ROBO1: variants seen among roughly 807,000 people sequenced by gnomAD.
The protein encoded by ROBO1 is roundabout homolog 1.
ROBO1 carries 149 observed loss-of-function variants against 195.9 expected under a neutral mutation model. The observed-to-expected ratio is 0.76, with a 90% confidence interval of 0.67 to 0.87. The LOEUF is 0.87. Among genes scored for constraint, ROBO1 ranks in the 40% least tolerant of loss-of-function variants. The pLI is 0.00. For synonymous variants in ROBO1, 816 were observed against 733.2 expected, an observed-to-expected ratio of 1.11 and a Z score of -1.82; for missense variants, 1,933 against 2,068.3, an observed-to-expected ratio of 0.93 and a Z score of 1.27.
intron 2 of ROBO1, among the ~76,000 whole-genome samples, chr3:79,262,053 CAT>C (rs2082949071): frequency 6.6e-6 from 1 of 152,062 alleles, no homozygotes; most frequent in African/African-American, 2.4e-5. Context: ...ATCTAAGAAA[CAT>C]GTGCTCTTGG....
intron 5 of ROBO1, among the ~76,000 whole-genome samples, chr3:78,721,235 T>C (rs907165657): frequency 4.6e-5 from 7 of 152,188 alleles, no homozygotes; most frequent in African/African-American, 1.7e-4. Context: ...TCCAGAACAA[T>C]TTGAGTATCA....
At chr3:79,279,265 T>TA (rs1387542482) in intron 2 of ROBO1, among the ~76,000 whole-genome samples, 7 of 151,570 alleles carry the variant, frequency 4.6e-5, no homozygotes, top group East Asian at 1.9e-4. Context: ...ATGCTCTGTC[T>TA]AAAAAAAATA....
At chr3:79,340,656 C>A (rs1213569475) in intron 2 of ROBO1, among the ~76,000 whole-genome samples, 13 of 152,244 alleles carry the variant, frequency 8.5e-5, no homozygotes, top group Non-Finnish European at 5.9e-5. Context: ...TGGTACCACC[C>A]TTTACTGTGT....
chr3:79,434,417 G>C (rs2038803055), intron 2 of ROBO1, among the ~76,000 whole-genome samples: 1 of 152,184 alleles, frequency 6.6e-6, no homozygotes, highest in African/African-American at 2.4e-5. Context: ...GATATGAACA[G>C]ACACTTCTCA....
At chr3:79,436,571 T>A (rs1480273224) in intron 2 of ROBO1, among the ~76,000 whole-genome samples, 1 of 152,132 alleles carries the variant, frequency 6.6e-6, no homozygotes, top group African/African-American at 2.4e-5. Flanking sequence ...GGTTGTCATG[T>A]AAACTAAGCA....
chr3:79,613,181 T>C (rs534812205), intron 1 of ROBO1, among the ~76,000 whole-genome samples: 2 of 151,974 alleles, frequency 1.3e-5, no homozygotes, highest in African/African-American at 4.8e-5. Context: ...AACAAATAGT[T>C]TTTTCATTTA....
intron 2 of ROBO1, among the ~76,000 whole-genome samples, chr3:79,576,834 C>T (rs1943503113): frequency 1.3e-5 from 2 of 152,090 alleles, no homozygotes; most frequent in South Asian, 4.1e-4. Flanking sequence ...ATCATCTGCC[C>T]TATGGTCATT....
At chr3:78,676,895 G>C (rs947212642) in intron 10 of ROBO1, among the ~76,000 whole-genome samples, 10 of 152,264 alleles carry the variant, frequency 6.6e-5, no homozygotes, top group African/African-American at 2.4e-4. Flanking sequence ...AAGTTGAAAT[G>C]AAGGAAAAAA....
In ROBO1 at chr3:79,352,615, C is replaced by T. The variant is rs1221669702; in HGVS notation, c.89-227076G>A. ...AAGATACAGAAGTGCTCTGTCACTA[C>T]GAAGGAACTCCCTTGTGCCTTCCCC... On this transcript the variant is annotated intron_variant, in intron 2 of 30. Coordinates refer to ENST00000464233, the MANE Select transcript of ROBO1 (RefSeq NM_002941.4). Among the ~76,000 whole-genome samples the T allele has an allele frequency of 3.9e-5, 6 of 152,144 alleles. No homozygotes were observed. In the East Asian group the frequency reaches 5.8e-4, roughly 15 times the overall value.
intron 2 of ROBO1, among the ~76,000 whole-genome samples, chr3:79,427,608 A>G (rs2038500036): frequency 6.6e-6 from 1 of 152,182 alleles, no homozygotes; most frequent in Non-Finnish European, 1.5e-5. Context: ...GACCAGTGGA[A>G]CAGAATAGAG....
chr3:78,998,857 C>T (rs541175274), intron 3 of ROBO1, among the ~76,000 whole-genome samples: 16 of 152,190 alleles, frequency 1.1e-4, no homozygotes, highest in African/African-American at 3.4e-4. Flanking sequence ...CAGTTACCTA[C>T]ATAAAAAGCA....
At chr3:79,231,756 T>C (rs189538655) in intron 2 of ROBO1, among the ~76,000 whole-genome samples, 155 of 152,258 alleles carry the variant, frequency 1.0e-3, no homozygotes, top group African/African-American at 3.6e-3. Context: ...TAAAGACACA[T>C]GCCCAGGTAT....
chr3:79,304,463 G>T (rs537053120), intron 2 of ROBO1, among the ~76,000 whole-genome samples: 1 of 152,242 alleles, frequency 6.6e-6, no homozygotes, highest in African/African-American at 2.4e-5. Context: ...TCAAGATAAT[G>T]AATACATCCA....
chr3:79,118,380 C>T (rs1240366862), intron 3 of ROBO1, among the ~76,000 whole-genome samples: 1 of 151,934 alleles, frequency 6.6e-6, no homozygotes, highest in African/African-American at 2.4e-5. Flanking sequence ...ACTGTAGCTG[C>T]TACAACCCAA....
At chr3:79,457,625 A>G (rs1231362969) in intron 2 of ROBO1, among the ~76,000 whole-genome samples, 1 of 152,116 alleles carries the variant, frequency 6.6e-6, no homozygotes, top group African/African-American at 2.4e-5. Flanking sequence ...TAACTGAATC[A>G]TGGGGGCAGG....
chr3:78,918,125 GT>G (rs2038732589), intron 4 of ROBO1, among the ~76,000 whole-genome samples: 1 of 152,170 alleles, frequency 6.6e-6, no homozygotes, highest in East Asian at 1.9e-4. Flanking sequence ...ATTCAAGTCT[GT>G]GAATAGTAGA....
In ROBO1 at chr3:79,754,263, T is replaced by C. The variant is rs76169750; in HGVS notation, c.-51+13489A>G. Among the ~76,000 whole-genome samples the C allele has an allele frequency of 6.8e-3, 1,042 of 152,270 alleles. 9 individuals carry two copies. Among genetic ancestry groups the C allele is most frequent in the Middle Eastern group, 0.024 (7 of 294 alleles). On this transcript the variant is annotated intron_variant, in intron 1 of 30. Transcript: ENST00000464233. ...TTATATAAGCATATTTTATATGCAA[T>C]GTTAGAAGTGGACAGGAAAGCAGAG...
At chr3:79,525,555 TAA>T (rs1553758701) in intron 2 of ROBO1, among the ~76,000 whole-genome samples, 2 of 145,020 alleles carry the variant, frequency 1.4e-5, no homozygotes, top group African/African-American at 2.6e-5. Flanking sequence ...TATATATATA[TAA>T]ATATATATAT....
At chr3:79,422,746 A>G (rs921103091) in intron 2 of ROBO1, among the ~76,000 whole-genome samples, 14 of 152,138 alleles carry the variant, frequency 9.2e-5, no homozygotes, top group African/African-American at 3.4e-4. Context: ...TCAAACTGTT[A>G]TGATCCATTT....
Sources: allele counts gnomAD v4.1 joint callset (sites outside exome capture counted in the v4.1 genomes callset), GRCh38; gene constraint gnomAD v4.1.1; transcripts MANE v1.5; gene names NCBI Gene and HGNC (gene_info 2026-07-23, HGNC 2026-07-21).